The following SGCZ variants were observed in gnomAD, a reference collection of about 807,000 sequenced individuals.
SGCZ encodes the protein sarcoglycan zeta.
In SGCZ, 40 loss-of-function variants were observed where a neutral mutation model predicts 41.3. The ratio of observed to expected loss-of-function variants is 0.97; its 90% CI spans 0.75 to 1.26. The LOEUF (loss-of-function observed/expected upper bound fraction) is 1.26. Among genes scored for constraint, SGCZ ranks in the 50% most tolerant of loss-of-function variants. The probability of loss-of-function intolerance (pLI) is 0.00; values close to 1 mark genes in which losing one functional copy is unlikely to be tolerated. For missense variants in SGCZ, 552 were observed against 369.8 expected (o/e 1.49, Z -4.04); for synonymous variants, 206 against 137.5 (o/e 1.50, Z -3.49).
intron 1 of SGCZ, among the ~76,000 whole-genome samples, chr8:14,907,314 C>T (rs1373490068): frequency 1.3e-5 from 2 of 152,068 alleles, no homozygotes; most frequent in South Asian, 2.1e-4. Context: ...CTCACCTCAG[C>T]CTCATGAGTA....
chr8:15,148,804 A>C (rs995419362), intron 1 of SGCZ, among the ~76,000 whole-genome samples: 4 of 152,208 alleles, frequency 2.6e-5, no homozygotes, highest in African/African-American at 9.6e-5. Context: ...ACAAAATTAA[A>C]TTCCAACATA....
intron 1 of SGCZ, among the ~76,000 whole-genome samples, chr8:14,814,992 C>A (rs922099085): frequency 6.6e-6 from 1 of 152,004 alleles, no homozygotes; most frequent in Non-Finnish European, 1.5e-5. Flanking sequence ...ACTTCTTCTG[C>A]CTCCATTTTT....
At chr8:14,342,489 G>C (rs946497977) in intron 2 of SGCZ, among the ~76,000 whole-genome samples, 6 of 151,908 alleles carry the variant, frequency 3.9e-5, no homozygotes, top group African/African-American at 9.7e-5. Context: ...CTAATTTTTT[G>C]TATTTTTAGT....
chr8:14,372,152 T>A (rs184245992), intron 2 of SGCZ, among the ~76,000 whole-genome samples: 28 of 152,194 alleles, frequency 1.8e-4, no homozygotes, highest in Non-Finnish European at 3.1e-4. Context: ...TGACTAGGTT[T>A]TAGATCCTAA....
intron 1 of SGCZ, among the ~76,000 whole-genome samples, chr8:14,677,221 A>T (rs1442006235): frequency 6.6e-6 from 1 of 152,028 alleles, no homozygotes; most frequent in Admixed American, 6.6e-5. Flanking sequence ...TAGCATCCAA[A>T]AATAAAATAC....
chr8:14,465,294 T>C (rs1801018070), intron 2 of SGCZ, among the ~76,000 whole-genome samples: 1 of 151,738 alleles, frequency 6.6e-6, no homozygotes, highest in Non-Finnish European at 1.5e-5. Flanking sequence ...TTTTCCAGTA[T>C]TGGACATTTT....
chr8:14,169,841 C>T (rs1353221704), intron 4 of SGCZ, among the ~76,000 whole-genome samples: 2 of 152,068 alleles, frequency 1.3e-5, no homozygotes. Context: ...GCTGTACCTC[C>T]ATATGGATGC....
At chr8:14,206,270 C>A (rs1270049370) in intron 4 of SGCZ, among the ~76,000 whole-genome samples, 2 of 152,060 alleles carry the variant, frequency 1.3e-5, no homozygotes, top group African/African-American at 4.8e-5. Flanking sequence ...TAAGAAAACT[C>A]AGAAATTACA....
intron 2 of SGCZ, among the ~76,000 whole-genome samples, chr8:14,502,040 T>C (rs1031246505): frequency 6.6e-6 from 1 of 152,102 alleles, no homozygotes; most frequent in Non-Finnish European, 1.5e-5. Flanking sequence ...ATTAAGAATG[T>C]CAATTATTCT....
chr8:15,121,846 T>G (rs1585585550), intron 1 of SGCZ, among the ~76,000 whole-genome samples: 1 of 123,508 alleles, frequency 8.1e-6, no homozygotes, highest in African/African-American at 3.1e-5. Flanking sequence ...TCTGGAAAAA[T>G]ATAAACAAAA....
intron 2 of SGCZ, among the ~76,000 whole-genome samples, chr8:14,443,273 C>G (rs1247170627): frequency 6.6e-6 from 1 of 152,088 alleles, no homozygotes; most frequent in Non-Finnish European, 1.5e-5. Context: ...CCCCATCAAG[C>G]TACCAGTGAC....
chr8:14,926,235 T>G (rs1799745384), intron 1 of SGCZ, among the ~76,000 whole-genome samples: 1 of 152,130 alleles, frequency 6.6e-6, no homozygotes, highest in South Asian at 2.1e-4. Context: ...TCGTTCAAAT[T>G]TTGGACAATT....
At chr8:14,145,523 C>T (rs1278144318) in intron 5 of SGCZ, among the ~76,000 whole-genome samples, 1 of 152,236 alleles carries the variant, frequency 6.6e-6, no homozygotes, top group East Asian at 1.9e-4. Flanking sequence ...TCTTCAATGC[C>T]CAGACACCAA....
At chr8:14,213,648 G>C (rs1044034194) in intron 4 of SGCZ, among the ~76,000 whole-genome samples, 1 of 151,870 alleles carries the variant, frequency 6.6e-6, no homozygotes, top group Non-Finnish European at 1.5e-5. Context: ...GGTAAACGTA[G>C]AACAAATATA....
chr8:15,030,318 C>T (rs1172940012), intron 1 of SGCZ, among the ~76,000 whole-genome samples: 1 of 152,068 alleles, frequency 6.6e-6, no homozygotes, highest in Non-Finnish European at 1.5e-5. Flanking sequence ...CGGTGAAAAT[C>T]TTTCTATTCT....
At chr8:14,578,411 C>A (rs1451696709) in intron 1 of SGCZ, among the ~76,000 whole-genome samples, 2 of 152,194 alleles carry the variant, frequency 1.3e-5, no homozygotes, top group African/African-American at 4.8e-5. Flanking sequence ...TGCAAGTTGT[C>A]CTACATGCTC....
At chr8:14,551,497 AT>A (rs67889267) in intron 2 of SGCZ, among the ~76,000 whole-genome samples, 1 of 5,642 alleles carries the variant, frequency 1.8e-4, no homozygotes, top group African/African-American at 8.2e-4. Context: ...TATTATATAT[AT>A]TATATATATT....
At position 14,276,710 on chromosome 8, in the gene SGCZ, T is replaced by C. The variant is rs538516571; in HGVS notation, c.337-39031A>G. Among the ~76,000 whole-genome samples the C allele has an allele frequency of 4.3e-4, 66 of 152,248 alleles. 2 individuals carry two copies. The highest frequency in any genetic ancestry group is 1.3e-3 in the African/African-American group (56 of 41,542). ...GTCTCTGGGGCTATTATTCTAAAAATTCAAATTTGATGATTTAATTCTACG... is the reference window on the plus strand; with the variant it reads ...GTCTCTGGGGCTATTATTCTAAAAACTCAAATTTGATGATTTAATTCTACG... On this transcript the variant is annotated intron_variant, in intron 3 of 7. Coordinates refer to ENST00000382080, the MANE Select transcript of SGCZ (RefSeq NM_139167.4).
At chr8:14,172,134 A>G (rs2117002268) in intron 4 of SGCZ, among the ~76,000 whole-genome samples, 1 of 152,304 alleles carries the variant, frequency 6.6e-6, no homozygotes, top group African/African-American at 2.4e-5. Context: ...CTTATATAAC[A>G]AATGATGACC....
Sources: gnomAD v4.1 joint callset for allele counts (sites outside exome capture counted in the v4.1 genomes callset) on GRCh38, gnomAD v4.1.1 for gene constraint, MANE v1.5 for transcripts, NCBI Gene and HGNC (gene_info 2026-07-23, HGNC 2026-07-21) for gene names.